RBFOX3: variants seen among roughly 807,000 people sequenced by gnomAD.
RBFOX3 encodes the protein RNA binding protein fox-1 homolog 3.
A neutral mutation model predicts 48.7 loss-of-function variants in RBFOX3; 17 were observed. That is an observed-to-expected ratio of 0.35 (90% confidence interval 0.24 to 0.52). RBFOX3 has a LOEUF of 0.52. Among genes scored for constraint, RBFOX3 ranks in the 20% least tolerant of loss-of-function variants. RBFOX3 has a pLI of 0.94. For synonymous variants in RBFOX3, 212 were observed against 209.5 expected (o/e 1.01, Z -0.10); for missense variants, 382 against 497.5 (o/e 0.77, Z 2.21).
At chr17:79,322,568 G>A (rs1191309093) in intron 2 of RBFOX3, among the ~76,000 whole-genome samples, 1 of 152,232 alleles carries the variant, frequency 6.6e-6, no homozygotes, top group Non-Finnish European at 1.5e-5. Context: ...TGGAACATGT[G>A]TCACGCAGCA....
At chr17:79,191,760 C>A (rs565234650) in intron 4 of RBFOX3, among the ~76,000 whole-genome samples, 1 of 152,288 alleles carries the variant, frequency 6.6e-6, no homozygotes, top group South Asian at 2.1e-4. Flanking sequence ...CAGATGCAGA[C>A]GGTAACCTAC....
intron 9 of RBFOX3, chr17:79,098,612 C>CG (rs2075851298): frequency 6.6e-6 from 1 of 152,252 alleles, no homozygotes; most frequent in Admixed American, 6.5e-5. Context: ...TTCCTCTCCC[C>CG]GGGGGAACCC....
chr17:79,099,723 C>T (rs2076068582), intron 9 of RBFOX3: 1 of 152,226 alleles, frequency 6.6e-6, no homozygotes, highest in Non-Finnish European at 1.5e-5. Context: ...CTGGGAGCCT[C>T]CACCTGTCTC....
At chr17:79,240,765 G>T (rs910935842) in intron 3 of RBFOX3, among the ~76,000 whole-genome samples, 3 of 151,944 alleles carry the variant, frequency 2.0e-5, no homozygotes, top group Non-Finnish European at 2.9e-5. Context: ...CCAGATTCAC[G>T]CCATTCTCCT....
chr17:79,355,908 T>C (rs1019997664), intron 2 of RBFOX3, among the ~76,000 whole-genome samples: 2 of 152,196 alleles, frequency 1.3e-5, no homozygotes, highest in African/African-American at 2.4e-5. Context: ...TTATGTTTCT[T>C]GTAAGTGCAA....
At chr17:79,574,972 G>A (rs1437690386) in intron 1 of RBFOX3, among the ~76,000 whole-genome samples, 2 of 152,244 alleles carry the variant, frequency 1.3e-5, no homozygotes, top group Non-Finnish European at 2.9e-5. Context: ...TGATGCCGCT[G>A]CTGGTCCAAG....
intron 4 of RBFOX3, among the ~76,000 whole-genome samples, chr17:79,164,126 G>T (rs561158112): frequency 2.0e-5 from 3 of 152,318 alleles, no homozygotes; most frequent in East Asian, 3.9e-4. Context: ...GGTTTGGGAT[G>T]GGGGAGGGAA....
rs1477183313 is a variant in RBFOX3 at position 79,103,182 on chromosome 17, C to T, written c.487G>A (p.Val163Ile). The T allele has an allele frequency of 1.3e-6, 2 of 1,551,330 alleles. No individual in the cohort carries two copies. Among genetic ancestry groups the T allele is most frequent in the Admixed American group, 2.0e-5 (1 of 50,990 alleles). Residue 163 changes from valine (V) to isoleucine (I), a missense_variant, in exon 8 of 15, where the codon GTA becomes ATA. By Grantham distance (29) the Val-to-Ile change is conservative. This residue lies in a region of RBFOX3 where 49 missense variants were observed against 110.7 expected (regional missense o/e 0.44). Transcript: ENST00000693108. The surrounding 1 kb of genome is among the most constrained non-coding windows in gnomAD (Gnocchi z 6.1). ...AGCACCTCAATTTTCCGTCCCTCTA[C>T]GATCGTCCCATTCAGCTTCTCCCGG... ...RAREKLNGTI[V>I]EGRKIEVNNA...
At chr17:79,185,168 CAG>C (rs373058900) in intron 4 of RBFOX3, among the ~76,000 whole-genome samples, 2 of 152,220 alleles carry the variant, frequency 1.3e-5, no homozygotes, top group South Asian at 2.1e-4. Context: ...AGAGAAGGCT[CAG>C]GGGAGAGACG....
the RBFOX3 span, among the ~76,000 whole-genome samples, chr17:79,620,418 C>T: frequency 6.6e-6 from 1 of 151,394 alleles, no homozygotes; most frequent in South Asian, 2.1e-4. Context: ...CACGGACATG[C>T]ACACACGCAC....
At chr17:79,151,905 G>C (rs1412687060) in intron 4 of RBFOX3, among the ~76,000 whole-genome samples, 1 of 112,446 alleles carries the variant, frequency 8.9e-6, no homozygotes, top group Non-Finnish European at 2.1e-5. Flanking sequence ...TGCAGGGGGA[G>C]GAGGGGAGGC....
chr17:79,377,909 G>T (rs553544249), intron 2 of RBFOX3, among the ~76,000 whole-genome samples: 3 of 152,172 alleles, frequency 2.0e-5, no homozygotes, highest in Admixed American at 1.3e-4. Flanking sequence ...GCATATCTCC[G>T]TCAGGCCCAG....
At chr17:79,338,049 C>T (rs934989487) in intron 2 of RBFOX3, among the ~76,000 whole-genome samples, 1 of 151,956 alleles carries the variant, frequency 6.6e-6, no homozygotes, top group African/African-American at 2.4e-5. Context: ...AGTGAGTCTC[C>T]TGTCTCAGCC....
chr17:79,160,079 C>T (rs140276784), intron 4 of RBFOX3, among the ~76,000 whole-genome samples: 65 of 152,336 alleles, frequency 4.3e-4, no homozygotes, highest in Middle Eastern at 3.4e-3. Flanking sequence ...AGGAACGCTC[C>T]GCTCGAGTAG....
rs1217259854 is a variant in RBFOX3, at chr17:79,254,352, C to A, written c.-73-18547G>T. 6.6e-6 allele frequency among the ~76,000 whole-genome samples: 1 copy of A among 152,046 alleles called. No homozygotes were observed. Among genetic ancestry groups the A allele is most frequent in the Non-Finnish European group, 1.5e-5 (1 of 68,018 alleles). ...CCCCCAGGTGGCAGCAGGTGAGGAA[C>A]CTTACTCCTGAGACCCTCAGCCCTA... On this transcript the variant is annotated intron_variant, in intron 3 of 14. Coordinates refer to ENST00000693108, the MANE Select transcript of RBFOX3 (RefSeq NM_001350451.2). The surrounding 1 kb of genome is among the most constrained non-coding windows in gnomAD (Gnocchi z 4.8).
intron 3 of RBFOX3, among the ~76,000 whole-genome samples, chr17:79,289,704 C>T (rs546652348): frequency 1.3e-5 from 2 of 152,232 alleles, no homozygotes; most frequent in Admixed American, 6.5e-5. Context: ...TGCCTCCCAG[C>T]TCCTGGCCTC....
intron 1 of RBFOX3, among the ~76,000 whole-genome samples, chr17:79,526,283 G>A (rs1456222502): frequency 6.6e-6 from 1 of 152,194 alleles, no homozygotes; most frequent in African/African-American, 2.4e-5. Context: ...GCCTGGAGGA[G>A]CCACCCAGAG....
At chr17:79,170,063 G>A (rs147937601) in intron 4 of RBFOX3, among the ~76,000 whole-genome samples, 77 of 138,534 alleles carry the variant, frequency 5.6e-4, no homozygotes, top group Non-Finnish European at 9.7e-4. Flanking sequence ...AGGGAAGGAG[G>A]AAGAAAGGAA....
At chr17:79,096,160 C>G (rs564721037) in intron 12 of RBFOX3, among the ~76,000 whole-genome samples, 11 of 152,312 alleles carry the variant, frequency 7.2e-5, no homozygotes, top group Admixed American at 2.0e-4. Context: ...GGGGTGTGGC[C>G]GTCAGTGAGT....
Sources: allele counts gnomAD v4.1 joint callset (sites outside exome capture counted in the v4.1 genomes callset), GRCh38; gene constraint gnomAD v4.1.1; regional missense constraint gnomAD v4.1.1; non-coding constraint Gnocchi (gnomAD v3.1); transcripts MANE v1.5; gene names NCBI Gene and HGNC (gene_info 2026-07-23, HGNC 2026-07-21).